Variants in SMOC2 observed in about 807,000 individuals in gnomAD.
The protein encoded by SMOC2 is SPARC related modular calcium binding 2.
In SMOC2, 39 loss-of-function variants were observed where a neutral mutation model predicts 61.4. That is an observed-to-expected ratio of 0.64 (90% CI 0.49 to 0.83). The LOEUF is 0.83. SMOC2 is among the 40% of genes least tolerant of loss of function. The probability of loss-of-function intolerance (pLI) is 0.00; values close to 1 mark genes in which losing one functional copy is unlikely to be tolerated. For synonymous variants in SMOC2, 247 were observed against 239.9 expected (o/e 1.03, Z -0.27); for missense variants, 556 against 592.9 (o/e 0.94, Z 0.65).
intron 4 of SMOC2, among the ~76,000 whole-genome samples, chr6:168,528,683 T>C (rs560808003): frequency 5.6e-4 from 85 of 152,352 alleles, no homozygotes; most frequent in African/African-American, 2.0e-3. Flanking sequence ...CAGTCAGCAA[T>C]GACATAAGGC....
At chr6:168,648,679 G>T (rs1787109938) in intron 9 of SMOC2, among the ~76,000 whole-genome samples, 1 of 152,334 alleles carries the variant, frequency 6.6e-6, no homozygotes, top group African/African-American at 2.4e-5. Flanking sequence ...TCCTTTTTCA[G>T]TTGTGTGCAA....
At chr6:168,506,948 G>A (rs140849617) in intron 1 of SMOC2, among the ~76,000 whole-genome samples, 186 of 152,274 alleles carry the variant, frequency 1.2e-3, no homozygotes, top group African/African-American at 1.9e-3. Flanking sequence ...TTTCTTACAT[G>A]CACTGTCTTC....
rs143498595 is a variant in SMOC2 at position 168,629,097 on chromosome 6, G to A, written c.907+20858G>A. ...AGCCCTGCTTGCTGCCTCGAGCTCC[G>A]AGAGGAGGCTTCGCAGTCACTGGAG... On this transcript the variant is annotated intron_variant, in intron 9 of 12. Coordinates refer to ENST00000356284, the MANE Select transcript of SMOC2 (RefSeq NM_001166412.2). Among the ~76,000 whole-genome samples, 7 of 152,368 alleles carry A rather than the reference G, an allele frequency of 4.6e-5. 1 individual carries two copies. Among genetic ancestry groups the A allele is most frequent in the African/African-American group, 1.2e-4 (5 of 41,584 alleles).
At chr6:168,644,285 G>A (rs894351177) in intron 9 of SMOC2, among the ~76,000 whole-genome samples, 13 of 152,246 alleles carry the variant, frequency 8.5e-5, no homozygotes, top group Middle Eastern at 3.4e-3. Flanking sequence ...TTTCTTCAGC[G>A]GGGCTGCCAC....
chr6:168,491,914 A>G (rs1021097616), intron 1 of SMOC2, among the ~76,000 whole-genome samples: 1 of 152,162 alleles, frequency 6.6e-6, no homozygotes. Context: ...ACTACATCGA[A>G]ATATTATTTT....
At chr6:168,649,328 C>T (rs1434981770) in intron 9 of SMOC2, among the ~76,000 whole-genome samples, 8 of 152,132 alleles carry the variant, frequency 5.3e-5, no homozygotes, top group Admixed American at 5.2e-4. Flanking sequence ...TGAGGACGGT[C>T]CGAGCAGATG....
Position 168,509,918 on chromosome 6 carries a change from T to C in SMOC2, c.88T>C (p.Leu30=), listed in dbSNP as rs1782965112. 1 of 1,593,866 alleles carries C rather than the reference T, an allele frequency of 6.3e-7. No individual in the cohort carries two copies. The highest frequency in any genetic ancestry group is 1.3e-5 in the African/African-American group (1 of 74,450). ...PAQKFSALTF[L]RVDQDKDKDC... ...GCTTCTTTTTTTCTCCTTTAAGTTT[T>C]TGAGAGTGGATCAAGATAAAGACAA... The change falls in exon 2 of 13, where the codon TTG becomes CTG. Residue 30 remains leucine (L), a synonymous_variant. Transcript: ENST00000356284.
At chr6:168,624,898 AAC>A (rs1196786951) in intron 9 of SMOC2, among the ~76,000 whole-genome samples, 26 of 151,192 alleles carry the variant, frequency 1.7e-4, no homozygotes, top group South Asian at 2.1e-4. Context: ...CAGATACATA[AAC>A]ACACATGTAC....
At chr6:168,524,825 T>C (rs551334887) in intron 2 of SMOC2, among the ~76,000 whole-genome samples, 114 of 152,370 alleles carry the variant, frequency 7.5e-4, no homozygotes, top group Non-Finnish European at 1.4e-3. Flanking sequence ...AGGCCCGTAA[T>C]GCTCTATGCA....
chr6:168,627,178 G>A (rs1354781694), intron 9 of SMOC2, among the ~76,000 whole-genome samples: 1 of 152,208 alleles, frequency 6.6e-6, no homozygotes, highest in Non-Finnish European at 1.5e-5. Flanking sequence ...CGTGAGCTGA[G>A]TGTATTATAG....
chr6:168,523,687 C>T (rs1783387785), intron 2 of SMOC2, among the ~76,000 whole-genome samples: 2 of 152,182 alleles, frequency 1.3e-5, no homozygotes, highest in African/African-American at 4.8e-5. Flanking sequence ...GCATCAACCT[C>T]CGCACCTGGC....
intron 1 of SMOC2, among the ~76,000 whole-genome samples, chr6:168,467,136 A>AACAC (rs10536582): frequency 0.14 from 18,298 of 133,230 alleles, 1,421 homozygotes; most frequent in South Asian, 0.19. Context: ...AGTGCTCTCA[A>AACAC]ACACACACAC....
At chr6:168,519,365 C>A (rs1223408295) in intron 2 of SMOC2, among the ~76,000 whole-genome samples, 1 of 152,200 alleles carries the variant, frequency 6.6e-6, no homozygotes, top group African/African-American at 2.4e-5. Context: ...GGATTTTCTT[C>A]TTCCAGCAGA....
chr6:168,530,216 C>T (rs1030327145), intron 4 of SMOC2, among the ~76,000 whole-genome samples: 14 of 152,148 alleles, frequency 9.2e-5, no homozygotes, highest in African/African-American at 3.1e-4. Flanking sequence ...AGGCCAGCCA[C>T]AGCGGAGGGA....
intron 4 of SMOC2, among the ~76,000 whole-genome samples, chr6:168,532,195 C>G (rs968050382): frequency 5.9e-5 from 9 of 152,110 alleles, no homozygotes; most frequent in African/African-American, 2.2e-4. Context: ...CCTCAGGGCC[C>G]TGCTGATGTC....
At chr6:168,478,307 T>C (rs1782135075) in intron 1 of SMOC2, among the ~76,000 whole-genome samples, 1 of 151,916 alleles carries the variant, frequency 6.6e-6, no homozygotes, top group Non-Finnish European at 1.5e-5. Flanking sequence ...AAGAAAATGA[T>C]GGTGGTAGGA....
chr6:168,476,208 G>A (rs541640318), intron 1 of SMOC2, among the ~76,000 whole-genome samples: 1 of 152,264 alleles, frequency 6.6e-6, no homozygotes, highest in East Asian at 1.9e-4. Context: ...GGAGTTAACA[G>A]ATATGGCGGA....
At chr6:168,524,165 G>A (rs1187360168) in intron 2 of SMOC2, among the ~76,000 whole-genome samples, 3 of 151,990 alleles carry the variant, frequency 2.0e-5, no homozygotes, top group Admixed American at 6.6e-5. Context: ...GTCGGATGCT[G>A]GTCAGGCACT....
chr6:168,538,289 T>A, intron 4 of SMOC2, among the ~76,000 whole-genome samples: 1 of 62,570 alleles, frequency 1.6e-5, no homozygotes. Context: ...TGCTGGAATG[T>A]GGGGGAGTGG....
Sources: gnomAD v4.1 joint callset for allele counts (sites outside exome capture counted in the v4.1 genomes callset) on GRCh38, gnomAD v4.1.1 for gene constraint, MANE v1.5 for transcripts, NCBI Gene and HGNC (gene_info 2026-07-23, HGNC 2026-07-21) for gene names.